The following VAT1L variants were observed in gnomAD, a reference collection of about 807,000 sequenced individuals.
The protein encoded by VAT1L is putative NADPH-dependent quinone oxidoreductase VAT1L.
Under a neutral mutation model 44.1 loss-of-function variants are expected in VAT1L, and 34 were observed. The observed-to-expected ratio is 0.77, with a 90% CI of 0.59 to 1.03. The LOEUF is 1.03. VAT1L is among the 50% of genes least tolerant of loss of function. VAT1L has a pLI of 0.00. For synonymous variants in VAT1L, 253 were observed against 202.2 expected, an observed-to-expected ratio of 1.25 and a Z score of -2.13; for missense variants, 615 against 538.8, an observed-to-expected ratio of 1.14 and a Z score of -1.40.
At chr16:77,943,669 T>C (rs376750395) in intron 7 of VAT1L, among the ~76,000 whole-genome samples, 1 of 151,948 alleles carries the variant, frequency 6.6e-6, no homozygotes, top group East Asian at 1.9e-4. Context: ...CCCAAAGTGC[T>C]GGGATTACAG....
At chr16:77,838,400 G>A (rs1319642847) in intron 3 of VAT1L, among the ~76,000 whole-genome samples, 1 of 152,150 alleles carries the variant, frequency 6.6e-6, no homozygotes, top group Non-Finnish European at 1.5e-5. Context: ...CCAGGATGTT[G>A]GCCCTGGCCC....
At chr16:77,789,038 C>G in intron 1 of VAT1L, 123 bp downstream of exon 1, 2 of 1,228,094 alleles carry the variant, frequency 1.6e-6, no homozygotes, top group Non-Finnish European at 2.2e-6. Context: ...CCTCCGCGCC[C>G]TCACCCGGGT....
chr16:77,927,932 C>T (rs1276398744), intron 7 of VAT1L, among the ~76,000 whole-genome samples: 1 of 152,102 alleles, frequency 6.6e-6, no homozygotes, highest in Non-Finnish European at 1.5e-5. Flanking sequence ...CCACTAGTAT[C>T]CCTGATCTAC....
chr16:77,855,210 C>G (rs1158140531), intron 3 of VAT1L, among the ~76,000 whole-genome samples: 1 of 151,894 alleles, frequency 6.6e-6, no homozygotes, highest in Admixed American at 6.6e-5. Context: ...CATGGTGCCA[C>G]GTGCCTGCAG....
intron 2 of VAT1L, among the ~76,000 whole-genome samples, chr16:77,818,984 A>C (rs1003949255): frequency 2.7e-5 from 4 of 150,434 alleles, no homozygotes; most frequent in African/African-American, 9.8e-5. Flanking sequence ...ACTTGGGTGC[A>C]TTTTGGCCAG....
chr16:77,821,803 A>T (rs2145242814), intron 2 of VAT1L, among the ~76,000 whole-genome samples: 1 of 152,168 alleles, frequency 6.6e-6, no homozygotes, highest in East Asian at 1.9e-4. Flanking sequence ...GACAGCAATA[A>T]GAAGAGATGT....
rs1253624505 is a variant in VAT1L, at chr16:77,881,980, A to G, written c.883-2628A>G. The G allele has an allele frequency of 2.6e-5, 4 of 152,250 alleles. No homozygotes were observed. In the East Asian group the frequency reaches 7.7e-4, roughly 29 times the overall value. 9.4% of individuals were successfully genotyped at this position (152,250 alleles called of 1,614,324 possible). On this transcript the variant is annotated intron_variant, in intron 6 of 8. Coordinates refer to ENST00000302536, the MANE Select transcript of VAT1L (RefSeq NM_020927.3). ...ATTGCAGCGTGCCCATGCTCAATGA[A>G]GGCATTCATAAATGCACAGCCAGGA... is the stretch of plus-strand genomic sequence containing the variant.
At position 77,811,093 on chromosome 16, in the gene VAT1L, G is replaced by C. The variant is rs2016256386; in HGVS notation, c.234-5828G>C. 2.0e-5 allele frequency among the ~76,000 whole-genome samples: 3 copies of C among 152,198 alleles called. No individual in the cohort carries two copies. In the South Asian group the frequency reaches 6.2e-4, roughly 31 times the overall value. On this transcript the variant is annotated intron_variant, in intron 1 of 8. Coordinates refer to ENST00000302536, the MANE Select transcript of VAT1L (RefSeq NM_020927.3). The stretch of plus-strand genomic sequence containing the variant: ...ATCAATAGAGAAGTAGGTTTCGGAA[G>C]AGGGAGATTTGTTTAATGATCTGAC...
intron 7 of VAT1L, among the ~76,000 whole-genome samples, chr16:77,937,423 G>T (rs1355558430): frequency 6.6e-6 from 1 of 152,198 alleles, no homozygotes; most frequent in Non-Finnish European, 1.5e-5. Context: ...GGCACCAAAT[G>T]TAAGAATTAA....
chr16:77,939,077 G>A (rs984857341), intron 7 of VAT1L, among the ~76,000 whole-genome samples: 1 of 152,132 alleles, frequency 6.6e-6, no homozygotes, highest in Non-Finnish European at 1.5e-5. Flanking sequence ...GATTCTCAGT[G>A]CTCTGTTGCC....
chr16:77,869,313 G>A (rs1212457528), intron 4 of VAT1L, among the ~76,000 whole-genome samples: 4 of 152,214 alleles, frequency 2.6e-5, no homozygotes, highest in Non-Finnish European at 5.9e-5. Flanking sequence ...TACAGTGTGA[G>A]AGTGAGAACT....
chr16:77,949,824 G>C (rs889304742), intron 7 of VAT1L, among the ~76,000 whole-genome samples: 11 of 152,122 alleles, frequency 7.2e-5, no homozygotes, highest in African/African-American at 2.7e-4. Context: ...AACACAAAGG[G>C]ACTAATACAG....
chr16:77,920,690 G>C (rs922658074), intron 7 of VAT1L, among the ~76,000 whole-genome samples: 3 of 152,142 alleles, frequency 2.0e-5, no homozygotes, highest in African/African-American at 7.2e-5. Context: ...CCTTTTGTAT[G>C]TTGATGTGTT....
At chr16:77,936,286 G>A (rs1485341499) in intron 7 of VAT1L, among the ~76,000 whole-genome samples, 1 of 152,098 alleles carries the variant, frequency 6.6e-6, no homozygotes, top group Non-Finnish European at 1.5e-5. Flanking sequence ...AAACCCTCTG[G>A]GACAATTTTC....
rs769550092 is a variant in VAT1L at position 77,825,314 on chromosome 16, G to GT, written c.435dup (p.Val146CysfsTer7). The GT allele has an allele frequency of 6.2e-7, 1 of 1,614,202 alleles. No homozygotes were observed. Among genetic ancestry groups the GT allele is most frequent in the Admixed American group, 1.7e-5 (1 of 60,028 alleles). ...CAGAGGTGGTCTGCACACCAGTGGAGTTTGTCTACAAGATCCCGGATGACA... is the reference window on the plus strand; with the variant it reads ...CAGAGGTGGTCTGCACACCAGTGGAGTTTTGTCTACAAGATCCCGGATGACA... On this transcript the variant is annotated frameshift_variant, in exon 3 of 9. Transcript: ENST00000302536. LOFTEE classifies it high-confidence loss of function.
chr16:77,971,703 C>A, intron 7 of VAT1L, 147 bp from the exon 8 acceptor site: 1 of 722,832 alleles, frequency 1.4e-6, no homozygotes. Flanking sequence ...AGTTGCACCC[C>A]AGCGTCCAAC....
intron 7 of VAT1L, among the ~76,000 whole-genome samples, chr16:77,917,926 T>C (rs2017568025): frequency 6.6e-6 from 1 of 152,196 alleles, no homozygotes; most frequent in African/African-American, 2.4e-5. Flanking sequence ...AAGTTCTGTA[T>C]ATGCAAGACT....
chr16:77,971,095 A>G (rs1211674297), intron 7 of VAT1L, among the ~76,000 whole-genome samples: 1 of 152,174 alleles, frequency 6.6e-6, no homozygotes, highest in Non-Finnish European at 1.5e-5. Flanking sequence ...CCAAGCACCA[A>G]GCTCCATGTT....
intron 3 of VAT1L, among the ~76,000 whole-genome samples, chr16:77,859,454 G>A (rs1297770216): frequency 1.3e-5 from 2 of 152,130 alleles, no homozygotes; most frequent in Non-Finnish European, 2.9e-5. Context: ...GTGAATGAGG[G>A]GAGACTGGGT....
Sources: allele counts gnomAD v4.1 joint callset (sites outside exome capture counted in the v4.1 genomes callset), GRCh38; gene constraint gnomAD v4.1.1; transcripts MANE v1.5; gene names NCBI Gene and HGNC (gene_info 2026-07-23, HGNC 2026-07-21).